Variants in CNTN3 observed in about 807,000 individuals in gnomAD.
CNTN3 encodes contactin-3.
Under a neutral mutation model 119.1 loss-of-function variants are expected in CNTN3, and 60 were observed. The observed-to-expected ratio is 0.50, with a 90% confidence interval of 0.41 to 0.62. The LOEUF (loss-of-function observed/expected upper bound fraction) is 0.62. Ranked by LOEUF, CNTN3 falls within the 20% of genes least tolerant of loss-of-function variation. The probability of loss-of-function intolerance (pLI) is 0.00; values close to 1 mark genes in which losing one functional copy is unlikely to be tolerated. For synonymous variants in CNTN3, 450 were observed against 438.7 expected (o/e 1.03, Z -0.32); for missense variants, 1,101 against 1,242.4 (o/e 0.89, Z 1.71).
chr3:74,443,762 T>A (rs1314296007), intron 4 of CNTN3, among the ~76,000 whole-genome samples: 1 of 152,184 alleles, frequency 6.6e-6, no homozygotes, highest in Non-Finnish European at 1.5e-5. Flanking sequence ...AATAGATTCC[T>A]TAACAGAGCA....
intron 5 of CNTN3, among the ~76,000 whole-genome samples, chr3:74,381,466 C>T (rs1704623349): frequency 6.6e-6 from 1 of 152,032 alleles, no homozygotes; most frequent in African/African-American, 2.4e-5. Context: ...TCTATAAATG[C>T]TAATTTCTTT....
chr3:74,303,905 G>A (rs1300022517), intron 13 of CNTN3, among the ~76,000 whole-genome samples: 1 of 152,124 alleles, frequency 6.6e-6, no homozygotes, highest in Non-Finnish European at 1.5e-5. Context: ...TAAGTCATAT[G>A]ATTTCGAAAC....
chr3:74,331,442 T>C (rs927902630), intron 13 of CNTN3, among the ~76,000 whole-genome samples: 1 of 152,178 alleles, frequency 6.6e-6, no homozygotes, highest in Non-Finnish European at 1.5e-5. Flanking sequence ...CGGAATTGCC[T>C]AGTAACACAT....
intron 19 of CNTN3, among the ~76,000 whole-genome samples, chr3:74,286,959 AC>A (rs1702126989): frequency 6.6e-6 from 1 of 152,186 alleles, no homozygotes; most frequent in South Asian, 2.1e-4. Flanking sequence ...GGATTCACAC[AC>A]CTGAGGCAGG....
chr3:74,425,427 C>A (rs1250688527), intron 4 of CNTN3, among the ~76,000 whole-genome samples: 1 of 152,124 alleles, frequency 6.6e-6, no homozygotes, highest in Non-Finnish European at 1.5e-5. Flanking sequence ...GGTAGAAAAG[C>A]TGGATTCTGA....
intron 4 of CNTN3, among the ~76,000 whole-genome samples, chr3:74,438,892 C>T (rs1701915048): frequency 1.3e-5 from 2 of 152,102 alleles, no homozygotes; most frequent in Non-Finnish European, 1.5e-5. Flanking sequence ...TGCAATAATT[C>T]TCCTAACTCA....
At position 74,336,614 on chromosome 3, in the gene CNTN3, G is replaced by A; in HGVS notation, c.1409C>T (p.Thr470Ile). 1 of 1,611,950 alleles carries A rather than the reference G, an allele frequency of 6.2e-7. No homozygotes were observed. Among genetic ancestry groups the A allele is most frequent in the Non-Finnish European group, 8.5e-7 (1 of 1,178,524 alleles). The change falls in exon 12 of 23, where the codon ACT becomes ATT. Residue 470 changes from threonine to isoleucine, a missense_variant. Thr to Ile is a moderately conservative substitution (Grantham distance 89). Coordinates refer to ENST00000263665, the MANE Select transcript of CNTN3 (RefSeq NM_020872.3). ...NDGGLKIANV[T>I]KADAGTYTCM... ...GGTGTAAGTTCCAGCATCAGCTTTA[G>A]TCACATTGGCTATTTTGAGTCCTCC...
intron 13 of CNTN3, among the ~76,000 whole-genome samples, chr3:74,328,949 A>G (rs1263110777): frequency 6.6e-6 from 1 of 152,206 alleles, no homozygotes; most frequent in Admixed American, 6.5e-5. Context: ...AAGATACAAA[A>G]TGTATAATAT....
At chr3:74,423,520 AG>A (rs1167281759) in intron 5 of CNTN3, among the ~76,000 whole-genome samples, 1 of 152,178 alleles carries the variant, frequency 6.6e-6, no homozygotes, top group African/African-American at 2.4e-5. Flanking sequence ...GTGGCGAGGC[AG>A]CACGTCCTTC....
At chr3:74,561,179 A>C (rs1704148059) in intron 1 of CNTN3, among the ~76,000 whole-genome samples, 1 of 151,394 alleles carries the variant, frequency 6.6e-6, no homozygotes, top group Non-Finnish European at 1.5e-5. Flanking sequence ...GCATAATAAA[A>C]AAAAAATAAA....
Position 74,301,780 on chromosome 3 carries a change from C to T in CNTN3, c.1812G>A (p.Val604=). ...VRGSPGPPEN[V]KVDEITDTTA... is the part of the protein sequence containing the mutation. Reference sequence around the variant, plus strand: ...TTGTGTCTGTAATTTCATCTACCTTCACATTTTCTGGTGGTCCAGGTGAAC... The same window carrying T: ...TTGTGTCTGTAATTTCATCTACCTTTACATTTTCTGGTGGTCCAGGTGAAC... Residue 604 remains valine (V), a synonymous_variant, in exon 15 of 23, where the codon GTG becomes GTA. Coordinates refer to ENST00000263665, the MANE Select transcript of CNTN3 (RefSeq NM_020872.3). The T allele has an allele frequency of 1.2e-6, 2 of 1,614,056 alleles. No individual in the cohort carries two copies.
chr3:74,417,173 T>G (rs1701537090), intron 5 of CNTN3, among the ~76,000 whole-genome samples: 1 of 152,110 alleles, frequency 6.6e-6, no homozygotes, highest in South Asian at 2.1e-4. Flanking sequence ...TGGCACCTAT[T>G]ATTGTCATTC....
intron 1 of CNTN3, among the ~76,000 whole-genome samples, chr3:74,577,157 G>A (rs951985028): frequency 6.6e-5 from 10 of 152,096 alleles, no homozygotes; most frequent in Admixed American, 6.5e-5. Flanking sequence ...CTAAATTTAG[G>A]AAAAATGCCA....
rs938126296 is a variant in CNTN3, at chr3:74,486,383, C to T, written c.358+73G>A. ...AAAACCCATGTATTATTTCTGAAAT[C>T]CAAAACGACTACACAAATTAAGTTA... On this transcript the variant is annotated intron_variant, in intron 4 of 22. Transcript: ENST00000263665. The T allele has an allele frequency of 5.9e-6, 8 of 1,359,022 alleles. No individual in the cohort carries two copies. The South Asian group carries it at 7.8e-5, about 13-fold the overall frequency. 84.2% of individuals were successfully genotyped at this position (1,359,022 alleles called of 1,614,324 possible).
intron 1 of CNTN3, among the ~76,000 whole-genome samples, chr3:74,539,494 A>C (rs1703811279): frequency 6.6e-6 from 1 of 152,098 alleles, no homozygotes; most frequent in Non-Finnish European, 1.5e-5. Flanking sequence ...AGTCTACTCC[A>C]GTGGAATCTT....
At chr3:74,522,833 G>A (rs1429190081) in intron 1 of CNTN3, among the ~76,000 whole-genome samples, 1 of 151,812 alleles carries the variant, frequency 6.6e-6, no homozygotes, top group Non-Finnish European at 1.5e-5. Flanking sequence ...AGTGGTGTGT[G>A]CACTGGAGTG....
At chr3:74,360,773 C>A (rs1228464721) in intron 11 of CNTN3, among the ~76,000 whole-genome samples, 1 of 152,128 alleles carries the variant, frequency 6.6e-6, no homozygotes, top group African/African-American at 2.4e-5. Context: ...ATCTTCACAG[C>A]CAGCAACACT....
intron 4 of CNTN3, among the ~76,000 whole-genome samples, chr3:74,455,322 C>T (rs1279356480): frequency 6.6e-6 from 1 of 151,972 alleles, no homozygotes; most frequent in African/African-American, 2.4e-5. Flanking sequence ...GAATTTTTCA[C>T]GTAGTTCTCG....
intron 4 of CNTN3, among the ~76,000 whole-genome samples, chr3:74,436,353 C>T (rs1701865821): frequency 6.6e-6 from 1 of 152,124 alleles, no homozygotes; most frequent in Non-Finnish European, 1.5e-5. Flanking sequence ...CTCCAGCTCC[C>T]TTTGTCGCCT....
Sources: gnomAD v4.1 joint callset for allele counts (sites outside exome capture counted in the v4.1 genomes callset) on GRCh38, gnomAD v4.1.1 for gene constraint, MANE v1.5 for transcripts, NCBI Gene and HGNC (gene_info 2026-07-23, HGNC 2026-07-21) for gene names.